Variants in EXOC6B observed in about 807,000 individuals in gnomAD.
The protein encoded by EXOC6B is exocyst complex component 6B.
In EXOC6B, 54 loss-of-function variants were observed where a neutral mutation model predicts 113.5. The ratio of observed to expected loss-of-function variants is 0.48; its 90% CI spans 0.38 to 0.60. The LOEUF (loss-of-function observed/expected upper bound fraction) is 0.60, where lower values mean the gene tolerates loss of function less well. EXOC6B is among the 20% of genes least tolerant of loss of function. The pLI, the probability that EXOC6B is intolerant of heterozygous loss-of-function variation, is 0.00. For missense variants in EXOC6B, 797 were observed against 977.5 expected (o/e 0.82, Z 2.46); for synonymous variants, 357 against 339.0 (o/e 1.05, Z -0.58).
At chr2:72,374,764 G>A (rs1469495928) in intron 19 of EXOC6B, among the ~76,000 whole-genome samples, 1 of 150,098 alleles carries the variant, frequency 6.7e-6, no homozygotes, top group African/African-American at 2.5e-5. Context: ...ATTACACATT[G>A]CATGCCTGAA....
At chr2:72,235,501 T>C (rs1239311961) in intron 20 of EXOC6B, among the ~76,000 whole-genome samples, 1 of 152,174 alleles carries the variant, frequency 6.6e-6, no homozygotes, top group Non-Finnish European at 1.5e-5. Flanking sequence ...ACCAAACCTC[T>C]GTGACATGCA....
At chr2:72,184,306 TA>T (rs1357327819) in intron 20 of EXOC6B, 119 bp from the exon 21 acceptor site, 3 of 566,194 alleles carry the variant, frequency 5.3e-6, no homozygotes, top group Non-Finnish European at 9.5e-6. Context: ...AAAATTAAAA[TA>T]TAATAAGAAA....
At chr2:72,515,551 C>A in intron 8 of EXOC6B, 1 of 1,004,792 alleles carries the variant, frequency 1.0e-6, no homozygotes, top group Non-Finnish European at 1.2e-6. Flanking sequence ...CAATGGGAAG[C>A]AGGAAAAAAG....
intron 20 of EXOC6B, among the ~76,000 whole-genome samples, chr2:72,296,202 G>C (rs1686125211): frequency 6.6e-6 from 1 of 152,088 alleles, no homozygotes; most frequent in African/African-American, 2.4e-5. Flanking sequence ...CATTCTGGCA[G>C]TTTCTAATAT....
At chr2:72,222,979 G>A (rs1241319506) in intron 20 of EXOC6B, among the ~76,000 whole-genome samples, 2 of 152,140 alleles carry the variant, frequency 1.3e-5, no homozygotes, top group Admixed American at 1.3e-4. Context: ...TTATATATGT[G>A]AGTCACTAGC....
chr2:72,459,687 T>C (rs1391144727), intron 18 of EXOC6B, among the ~76,000 whole-genome samples: 11 of 152,182 alleles, frequency 7.2e-5, no homozygotes, highest in African/African-American at 2.7e-4. Flanking sequence ...TACAAACCAC[T>C]GCTCAAGGAA....
At chr2:72,417,084 G>T (rs192813109) in intron 18 of EXOC6B, among the ~76,000 whole-genome samples, 1 of 151,744 alleles carries the variant, frequency 6.6e-6, no homozygotes, top group Admixed American at 6.6e-5. Flanking sequence ...TCCCATTCTG[G>T]TATCAATTTT....
chr2:72,311,274 G>A (rs986240656), intron 20 of EXOC6B, among the ~76,000 whole-genome samples: 1 of 152,280 alleles, frequency 6.6e-6, no homozygotes, highest in East Asian at 1.9e-4. Flanking sequence ...GAGGCTCCAG[G>A]ATAAGATATG....
At chr2:72,711,412 G>A (rs988753300) in intron 6 of EXOC6B, among the ~76,000 whole-genome samples, 7 of 152,112 alleles carry the variant, frequency 4.6e-5, no homozygotes, top group African/African-American at 1.2e-4. Flanking sequence ...AACAACAAAC[G>A]CAATGTAAGA....
At chr2:72,240,637 C>T (rs1308193921) in intron 20 of EXOC6B, among the ~76,000 whole-genome samples, 1 of 152,142 alleles carries the variant, frequency 6.6e-6, no homozygotes, top group East Asian at 1.9e-4. Flanking sequence ...ACTGGTCAGA[C>T]CCCTGGCCTA....
At chr2:72,818,311 A>ATTTTTTTTTTTTTT (rs1183950982) in intron 1 of EXOC6B, among the ~76,000 whole-genome samples, 4 of 117,814 alleles carry the variant, frequency 3.4e-5, no homozygotes, top group African/African-American at 9.9e-5. Context: ...GGCCCAGCTA[A>ATTTTTTTTTTTTTT]TTTTTTTTTT....
At chr2:72,553,499 A>C (rs1295765806) in intron 8 of EXOC6B, among the ~76,000 whole-genome samples, 1 of 152,074 alleles carries the variant, frequency 6.6e-6, no homozygotes, top group African/African-American at 2.4e-5. Flanking sequence ...TGCAATTTTA[A>C]AGAAGAGACA....
At position 72,297,076 on chromosome 2, in the gene EXOC6B, C is replaced by A. The variant is rs142752685; in HGVS notation, c.2196+37871G>T. Reference sequence around the variant, plus strand: ...ATTCTCCCTTTCTTCCCTCCTGAAACCCTATTCCTTCAAGATGAAAAGATA... The same window carrying A: ...ATTCTCCCTTTCTTCCCTCCTGAAAACCTATTCCTTCAAGATGAAAAGATA... On this transcript the variant is annotated intron_variant, in intron 20 of 21. Transcript: ENST00000272427. 6.9e-4 allele frequency among the ~76,000 whole-genome samples: 105 copies of A among 152,202 alleles called. 1 individual carries two copies. The highest frequency in any genetic ancestry group is 2.4e-3 in the African/African-American group (99 of 41,534).
Position 72,281,152 on chromosome 2 carries a change from G to A in EXOC6B, c.2196+53795C>T, listed in dbSNP as rs138903300. Among the ~76,000 whole-genome samples, 821 of 152,248 alleles carry A rather than the reference G, an allele frequency of 5.4e-3. 8 individuals are homozygous for A. Among genetic ancestry groups the A allele is most frequent in the African/African-American group, 0.018 (761 of 41,538 alleles). ...TGAGCAAAATGTAGACTGAACCTTCGAAAAACTACATTGCTGCAAAACTGC... is the reference window on the plus strand; with the variant it reads ...TGAGCAAAATGTAGACTGAACCTTCAAAAAACTACATTGCTGCAAAACTGC... On this transcript the variant is annotated intron_variant, in intron 20 of 21. Transcript: ENST00000272427.
chr2:72,201,099 TACACAC>T (rs144173001), intron 20 of EXOC6B, among the ~76,000 whole-genome samples: 1 of 151,524 alleles, frequency 6.6e-6, no homozygotes, highest in Non-Finnish European at 1.5e-5. Flanking sequence ...TATATATATA[TACACAC>T]ACACACATAC....
At chr2:72,431,555 G>A (rs1287327260) in intron 18 of EXOC6B, among the ~76,000 whole-genome samples, 1 of 148,232 alleles carries the variant, frequency 6.7e-6, no homozygotes. Context: ...AGGTCTCTCT[G>A]TGTTGCCCAG....
At chr2:72,321,791 C>A (rs1024237660) in intron 20 of EXOC6B, among the ~76,000 whole-genome samples, 1 of 152,076 alleles carries the variant, frequency 6.6e-6, no homozygotes, top group African/African-American at 2.4e-5. Flanking sequence ...TGGAAATATT[C>A]TGTGATCTTG....
chr2:72,330,384 AAAT>A (rs1293839964), intron 20 of EXOC6B, among the ~76,000 whole-genome samples: 1 of 152,076 alleles, frequency 6.6e-6, no homozygotes, highest in Non-Finnish European at 1.5e-5. Context: ...AAACAACAAA[AAAT>A]AATATGAGAA....
At chr2:72,733,012 C>A in intron 3 of EXOC6B, 59 bp downstream of exon 3, 2 of 1,142,424 alleles carry the variant, frequency 1.8e-6, no homozygotes, top group South Asian at 2.6e-5. Context: ...ATAACATAGT[C>A]ATTAAAAGAG....
Sources: allele counts gnomAD v4.1 joint callset (sites outside exome capture counted in the v4.1 genomes callset), GRCh38; gene constraint gnomAD v4.1.1; transcripts MANE v1.5; gene names NCBI Gene and HGNC (gene_info 2026-07-23, HGNC 2026-07-21).